CNTN4: variants seen among roughly 807,000 people sequenced by gnomAD.
CNTN4 encodes the protein contactin 4.
A neutral mutation model predicts 122.5 loss-of-function variants in CNTN4; 77 were observed. The ratio of observed to expected loss-of-function variants is 0.63; its 90% CI spans 0.52 to 0.76. The LOEUF is 0.76. Among genes scored for constraint, CNTN4 ranks in the 30% least tolerant of loss-of-function variants. The pLI, the probability that CNTN4 is intolerant of heterozygous loss-of-function variation, is 0.00. For synonymous variants in CNTN4, 512 were observed against 447.0 expected, an observed-to-expected ratio of 1.15 and a Z score of -1.83; for missense variants, 1,256 against 1,259.1, an observed-to-expected ratio of 1.00 and a Z score of 0.04.
At chr3:2,589,640 G>A (rs1267004150) in intron 4 of CNTN4, among the ~76,000 whole-genome samples, 1 of 152,218 alleles carries the variant, frequency 6.6e-6, no homozygotes, top group African/African-American at 2.4e-5. Context: ...GAATTTGGGA[G>A]CAGCTTAGCT....
At chr3:2,904,223 G>C (rs1452480317) in intron 12 of CNTN4, among the ~76,000 whole-genome samples, 1 of 152,144 alleles carries the variant, frequency 6.6e-6, no homozygotes, top group Non-Finnish European at 1.5e-5. Context: ...ATGAATAAGA[G>C]AAAAACAGCA....
chr3:2,503,218 G>A (rs192957428), intron 3 of CNTN4, among the ~76,000 whole-genome samples: 32 of 152,224 alleles, frequency 2.1e-4, no homozygotes, highest in African/African-American at 6.3e-4. Context: ...GGTTCAGGAT[G>A]TTTAATCTTC....
At chr3:2,423,123 A>G (rs1400929622) in intron 3 of CNTN4, among the ~76,000 whole-genome samples, 1 of 152,234 alleles carries the variant, frequency 6.6e-6, no homozygotes. Flanking sequence ...GATTCATCTG[A>G]GAACAGTCTG....
chr3:2,862,432 A>C (rs2093680779), intron 7 of CNTN4, among the ~76,000 whole-genome samples: 1 of 152,224 alleles, frequency 6.6e-6, no homozygotes, highest in African/African-American at 2.4e-5. Context: ...TTTCCAATAG[A>C]TTTGGATGCT....
At chr3:2,851,583 G>A (rs529695760) in intron 7 of CNTN4, among the ~76,000 whole-genome samples, 10 of 152,278 alleles carry the variant, frequency 6.6e-5, no homozygotes, top group South Asian at 2.1e-4. Context: ...TCTCACCTTC[G>A]CTTGGCGTTT....
chr3:2,564,495 TTAA>T (rs1303447272), intron 3 of CNTN4, among the ~76,000 whole-genome samples: 1 of 152,176 alleles, frequency 6.6e-6, no homozygotes, highest in Non-Finnish European at 1.5e-5. Context: ...TTTACTTCAT[TTAA>T]CTAATTAAAT....
intron 2 of CNTN4, among the ~76,000 whole-genome samples, chr3:2,144,627 G>A (rs1368035678): frequency 6.6e-6 from 1 of 152,070 alleles, no homozygotes; most frequent in Non-Finnish European, 1.5e-5. Flanking sequence ...GATTACCGAG[G>A]ATATGACTTG....
At chr3:2,621,479 A>G (rs1307989822) in intron 4 of CNTN4, among the ~76,000 whole-genome samples, 5 of 151,750 alleles carry the variant, frequency 3.3e-5, no homozygotes, top group African/African-American at 9.7e-5. Context: ...GGGGAATGTC[A>G]CACACCGGGG....
rs144011050 is a variant in CNTN4, at chr3:2,424,914, G to T, written c.-89+85681G>T. On this transcript the variant is annotated intron_variant, in intron 3 of 24. Transcript: ENST00000418658. ...TATCCTTTGCCCACTTGTTGATGGG[G>T]TTGTTTGACTTATTCTTGTAAATTT... Among the ~76,000 whole-genome samples the T allele has an allele frequency of 1.9e-3, 290 of 152,270 alleles. 1 individual carries two copies. The highest frequency in any genetic ancestry group is 6.8e-3 in the African/African-American group (282 of 41,544).
At chr3:2,100,752 A>C (rs2031870425) in intron 2 of CNTN4, 113 bp downstream of exon 2, 2 of 152,210 alleles carry the variant, frequency 1.3e-5, no homozygotes, top group African/African-American at 4.8e-5. Flanking sequence ...AAGTTTCATG[A>C]GAATATTATT....
At chr3:2,932,736 G>T (rs927729357) in intron 13 of CNTN4, among the ~76,000 whole-genome samples, 1 of 152,068 alleles carries the variant, frequency 6.6e-6, no homozygotes, top group Non-Finnish European at 1.5e-5. Context: ...TATTTAAAAG[G>T]GAAAGAGCAA....
intron 3 of CNTN4, among the ~76,000 whole-genome samples, chr3:2,486,285 C>G (rs952142704): frequency 6.6e-6 from 1 of 152,154 alleles, no homozygotes; most frequent in Non-Finnish European, 1.5e-5. Context: ...AGAACTGTAA[C>G]ACTCACCCAC....
chr3:2,669,734 C>G (rs932478842), intron 4 of CNTN4, among the ~76,000 whole-genome samples: 1 of 152,122 alleles, frequency 6.6e-6, no homozygotes, highest in African/African-American at 2.4e-5. Flanking sequence ...GCATTTAGTG[C>G]TATAAATTTC....
chr3:3,052,972 G>A (rs1480022488), intron 23 of CNTN4, among the ~76,000 whole-genome samples: 1 of 152,206 alleles, frequency 6.6e-6, no homozygotes, highest in Non-Finnish European at 1.5e-5. Flanking sequence ...AGCCTTCAGA[G>A]ATACTATTTC....
At chr3:2,904,007 A>T (rs1005114547) in intron 12 of CNTN4, among the ~76,000 whole-genome samples, 1 of 152,330 alleles carries the variant, frequency 6.6e-6, no homozygotes, top group East Asian at 1.9e-4. Context: ...GAGTGAAAAG[A>T]TAAATCTATG....
At chr3:2,895,203 T>C (rs897357040) in intron 10 of CNTN4, among the ~76,000 whole-genome samples, 6 of 152,094 alleles carry the variant, frequency 3.9e-5, no homozygotes, top group Admixed American at 2.6e-4. Context: ...TTCAAACTCC[T>C]GACCTCAGAT....
At chr3:2,820,421 G>C (rs1242478103) in intron 7 of CNTN4, among the ~76,000 whole-genome samples, 1 of 152,162 alleles carries the variant, frequency 6.6e-6, no homozygotes, top group Non-Finnish European at 1.5e-5. Flanking sequence ...CCCACATGTA[G>C]ATGCATTCAT....
chr3:2,985,366 G>T (rs1694453171), intron 13 of CNTN4: 1 of 152,144 alleles, frequency 6.6e-6, no homozygotes, highest in Non-Finnish European at 1.5e-5. Context: ...TTCTTTATTG[G>T]CAGGAGGACT....
At chr3:2,787,745 C>T (rs2091882731) in intron 6 of CNTN4, among the ~76,000 whole-genome samples, 1 of 151,428 alleles carries the variant, frequency 6.6e-6, no homozygotes, top group Non-Finnish European at 1.5e-5. Context: ...AGCTCATGCA[C>T]AAAGTGTACT....
Sources: gnomAD v4.1 joint callset for allele counts (sites outside exome capture counted in the v4.1 genomes callset) on GRCh38, gnomAD v4.1.1 for gene constraint, MANE v1.5 for transcripts, NCBI Gene and HGNC (gene_info 2026-07-23, HGNC 2026-07-21) for gene names.